The following CDH12 variants were observed in gnomAD, a reference collection of about 807,000 sequenced individuals.
CDH12 encodes the protein cadherin-12.
Under a neutral mutation model 74.1 loss-of-function variants are expected in CDH12, and 41 were observed. That is an observed-to-expected ratio of 0.55 (90% CI 0.43 to 0.72). The LOEUF is 0.72. CDH12 is among the 30% of genes least tolerant of loss of function. The probability of loss-of-function intolerance (pLI) is 0.00; values close to 1 mark genes in which losing one functional copy is unlikely to be tolerated. For missense variants in CDH12, 945 were observed against 977.2 expected (o/e 0.97, Z 0.44); for synonymous variants, 399 against 355.0 (o/e 1.12, Z -1.39).
rs560832449 is a variant in CDH12, at chr5:21,918,603, C to T, written c.526+56488G>A. Among the ~76,000 whole-genome samples the T allele has an allele frequency of 2.2e-4, 34 of 151,996 alleles. No homozygotes were observed. The South Asian group carries it at 5.4e-3, about 24-fold the overall frequency. ...GAGAAGTGCAAGCAGAGGAAATGGC[C>T]GAGGACTACAAAACCATCAGCTCTC... On this transcript the variant is annotated intron_variant, in intron 6 of 14. Coordinates refer to ENST00000382254, the MANE Select transcript of CDH12 (RefSeq NM_004061.5).
chr5:22,241,260 C>T (rs778710059), intron 3 of CDH12, among the ~76,000 whole-genome samples: 7 of 151,836 alleles, frequency 4.6e-5, no homozygotes, highest in South Asian at 2.1e-4. Context: ...AAGGCCATAA[C>T]GTATTTTCAA....
At chr5:22,837,014 A>G (rs550680174) in intron 1 of CDH12, among the ~76,000 whole-genome samples, 63 of 152,352 alleles carry the variant, frequency 4.1e-4, no homozygotes, top group African/African-American at 1.5e-3. Flanking sequence ...TATACACATA[A>G]TGCTTAGAGC....
intron 11 of CDH12, among the ~76,000 whole-genome samples, chr5:21,766,089 G>A (rs1745008141): frequency 6.6e-6 from 1 of 151,852 alleles, no homozygotes; most frequent in African/African-American, 2.4e-5. Context: ...AGCCACCAAA[G>A]ACTTATAATA....
chr5:22,437,570 T>TAAATAAAA (rs1418096899), intron 2 of CDH12, among the ~76,000 whole-genome samples: 59 of 151,430 alleles, frequency 3.9e-4, no homozygotes, highest in Non-Finnish European at 5.0e-4. Flanking sequence ...AATAAATAAA[T>TAAATAAAA]AAAAATAATT....
chr5:21,923,642 C>T (rs754341320), intron 6 of CDH12, among the ~76,000 whole-genome samples: 17 of 152,138 alleles, frequency 1.1e-4, no homozygotes, highest in Non-Finnish European at 2.2e-4. Flanking sequence ...AGAGAAAATA[C>T]AGCAGTCTTT....
At chr5:22,445,575 G>A (rs1373002314) in intron 2 of CDH12, among the ~76,000 whole-genome samples, 17 of 152,172 alleles carry the variant, frequency 1.1e-4, no homozygotes, top group Non-Finnish European at 4.4e-5. Flanking sequence ...ACCTAGTCCT[G>A]TGTAAAACAA....
intron 6 of CDH12, among the ~76,000 whole-genome samples, chr5:21,895,243 A>G (rs1369910394): frequency 6.6e-6 from 1 of 152,180 alleles, no homozygotes; most frequent in Non-Finnish European, 1.5e-5. Context: ...ACACTCCTTC[A>G]GCTTACCTCA....
rs149692510 is a variant in CDH12 at position 21,827,953 on chromosome 5, T to C, written c.815-10821A>G. On this transcript the variant is annotated intron_variant, in intron 8 of 14. Coordinates refer to ENST00000382254, the MANE Select transcript of CDH12 (RefSeq NM_004061.5). ...TTGAATATTTAAACCTTTGTTTATG[T>C]TGTCTTTATCTAGGTAATTTCTGAT... 4.0e-3 allele frequency among the ~76,000 whole-genome samples: 613 copies of C among 152,284 alleles called. 3 individuals carry two copies. Among genetic ancestry groups the C allele is most frequent in the African/African-American group, 0.014 (571 of 41,560 alleles).
intron 6 of CDH12, among the ~76,000 whole-genome samples, chr5:21,898,505 A>G (rs927819720): frequency 9.2e-5 from 14 of 152,012 alleles, no homozygotes; most frequent in African/African-American, 3.4e-4. Flanking sequence ...GATCGAGACC[A>G]TCCTGGCTGA....
intron 5 of CDH12, among the ~76,000 whole-genome samples, chr5:22,048,032 G>T (rs1740083580): frequency 6.6e-6 from 1 of 152,136 alleles, no homozygotes. Flanking sequence ...TGTCAAGTGG[G>T]ATACTTTTGT....
At chr5:22,464,951 G>A (rs1204696130) in intron 2 of CDH12, among the ~76,000 whole-genome samples, 2 of 149,008 alleles carry the variant, frequency 1.3e-5, no homozygotes, top group East Asian at 2.0e-4. Context: ...GCAGTGAGCC[G>A]AGATTGCACC....
chr5:22,174,567 T>C (rs1749222249), intron 4 of CDH12, among the ~76,000 whole-genome samples: 1 of 151,956 alleles, frequency 6.6e-6, no homozygotes, highest in African/African-American at 2.4e-5. Context: ...TGTCCTGACA[T>C]AGCTTTAGGT....
At chr5:22,728,351 A>G (rs1218834425) in intron 1 of CDH12, among the ~76,000 whole-genome samples, 3 of 151,852 alleles carry the variant, frequency 2.0e-5, no homozygotes, top group East Asian at 1.9e-4. Context: ...TTTAAATTCT[A>G]TGATGATTCT....
Position 22,027,715 on chromosome 5 carries a change from A to G in CDH12, c.231+50731T>C, listed in dbSNP as rs2150168825. Among the ~76,000 whole-genome samples the G allele has an allele frequency of 1.3e-5, 2 of 151,008 alleles. 1 individual carries two copies. The highest frequency in any genetic ancestry group is 4.9e-5 in the African/African-American group (2 of 41,106). ...TTGATTCTTCTCTCTTTTTTTCTTT[A>G]TTAGTCTTGCTAGTGGTCTATTAAT... On this transcript the variant is annotated intron_variant, in intron 5 of 14. Coordinates refer to ENST00000382254, the MANE Select transcript of CDH12 (RefSeq NM_004061.5).
chr5:22,002,602 T>G (rs1377043563), intron 5 of CDH12, among the ~76,000 whole-genome samples: 1 of 152,142 alleles, frequency 6.6e-6, no homozygotes, highest in Non-Finnish European at 1.5e-5. Flanking sequence ...CTGTAAATAA[T>G]GTGTTTGAGC....
chr5:22,217,743 A>G (rs1364394406), intron 3 of CDH12, among the ~76,000 whole-genome samples: 1 of 151,776 alleles, frequency 6.6e-6, no homozygotes, highest in Non-Finnish European at 1.5e-5. Context: ...ATGATTTTAA[A>G]ATGCCATTAA....
intron 4 of CDH12, among the ~76,000 whole-genome samples, chr5:22,119,580 G>A (rs1745383230): frequency 1.3e-5 from 2 of 152,012 alleles, no homozygotes; most frequent in Non-Finnish European, 2.9e-5. Context: ...GTAAGCCACA[G>A]CTCCCCGCCA....
At chr5:22,526,958 C>A (rs1737313894) in intron 1 of CDH12, among the ~76,000 whole-genome samples, 1 of 152,058 alleles carries the variant, frequency 6.6e-6, no homozygotes, top group Non-Finnish European at 1.5e-5. Flanking sequence ...GGTTCAGAGA[C>A]CTGCAGTTCC....
At chr5:22,681,515 T>C (rs1325945736) in intron 1 of CDH12, among the ~76,000 whole-genome samples, 1 of 152,052 alleles carries the variant, frequency 6.6e-6, no homozygotes, top group African/African-American at 2.4e-5. Flanking sequence ...ATCTGTCACA[T>C]CGCTTCACTT....
Sources: gnomAD v4.1 joint callset for allele counts (sites outside exome capture counted in the v4.1 genomes callset) on GRCh38, gnomAD v4.1.1 for gene constraint, MANE v1.5 for transcripts, NCBI Gene and HGNC (gene_info 2026-07-23, HGNC 2026-07-21) for gene names.